KCNT1: variants seen among roughly 807,000 people sequenced by gnomAD.
The protein encoded by KCNT1 is potassium channel subfamily T member 1.
Under a neutral mutation model 147.8 loss-of-function variants are expected in KCNT1, and 78 were observed. That is an observed-to-expected ratio of 0.53 (90% CI 0.44 to 0.64). KCNT1 has a LOEUF of 0.64. Ranked by LOEUF, KCNT1 falls within the 30% of genes least tolerant of loss-of-function variation. KCNT1 has a pLI of 0.00. For missense variants in KCNT1, 1,419 were observed against 1,750.3 expected, an observed-to-expected ratio of 0.81 and a Z score of 3.38; for synonymous variants, 867 against 748.8, an observed-to-expected ratio of 1.16 and a Z score of -2.58.
intron 2 of KCNT1, among the ~76,000 whole-genome samples, chr9:135,722,734 G>A (rs1835974292): frequency 1.3e-5 from 2 of 152,142 alleles, no homozygotes; most frequent in South Asian, 4.1e-4. Flanking sequence ...CTGCGCCCAC[G>A]GGGCAGAGAA....
At position 135,734,166 on chromosome 9, in the gene KCNT1, T is replaced by G. The variant is rs371984153; in HGVS notation, c.255-15932T>G. 1.2e-3 allele frequency among the ~76,000 whole-genome samples: 184 copies of G among 152,314 alleles called. 1 individual carries two copies. The highest frequency in any genetic ancestry group is 4.1e-3 in the African/African-American group (172 of 41,572). On this transcript the variant is annotated intron_variant, in intron 2 of 30. Transcript: ENST00000371757. ...GGGCAGTTGTTATTTTTTCCTGAGT[T>G]TCCAGGATGTCTGCCCCTGTGTAGC...
In KCNT1 at chr9:135,714,940, C is replaced by T. The variant is rs529270365; in HGVS notation, c.254+220C>T. The stretch of plus-strand genomic sequence containing the variant: ...TCTCCGGAGGAGGGCGCGGGATGCT[C>T]GGAGCTGCGGAGTCTTCCAGAGCCC... On this transcript the variant is annotated intron_variant, in intron 2 of 30. Coordinates refer to ENST00000371757, the MANE Select transcript of KCNT1 (RefSeq NM_020822.3). The surrounding 1 kb of genome is among the most constrained non-coding windows in gnomAD (Gnocchi z 6.2). Among the ~76,000 whole-genome samples, 6 of 152,314 alleles carry T rather than the reference C, an allele frequency of 3.9e-5. No homozygotes were observed. Among genetic ancestry groups the T allele is most frequent in the Non-Finnish European group, 7.4e-5 (5 of 68,006 alleles).
At position 135,749,934 on chromosome 9, in the gene KCNT1, A is replaced by G. The variant is rs11103161; in HGVS notation, c.255-164A>G. Among the ~76,000 whole-genome samples, 26,951 of 151,806 alleles carry G rather than the reference A, an allele frequency of 0.18. 2,768 individuals are homozygous for G. Among genetic ancestry groups the G allele is most frequent in the African/African-American group, 0.27 (11,029 of 41,368 alleles). ...TCTGCTGGGTGTGACGGACCCCAGG[A>G]CCCTCCTGGGTCTGAGGTGGAGGGA... is the stretch of plus-strand genomic sequence containing the variant. On this transcript the variant is annotated intron_variant, in intron 2 of 30. Coordinates refer to ENST00000371757, the MANE Select transcript of KCNT1 (RefSeq NM_020822.3).
intron 20 of KCNT1, 98 bp downstream of exon 20, chr9:135,775,513 T>A: frequency 2.3e-6 from 2 of 854,718 alleles, no homozygotes; most frequent in Non-Finnish European, 3.6e-6. Context: ...TACATTTCGA[T>A]ACCATTGCAA....
rs1195735909 is a variant in KCNT1, at chr9:135,756,946, C to A, written c.600+14C>A. On this transcript the variant is annotated intron_variant, in intron 7 of 30. Transcript: ENST00000371757. ...CTCAGCTACAAAGTGAGTGCCTGCC[C>A]GGGATGGCACCTCACAGGGGGTCCC... 4 of 1,611,204 alleles carry A rather than the reference C, an allele frequency of 2.5e-6. No homozygotes were observed. The highest frequency in any genetic ancestry group is 2.5e-6 in the Non-Finnish European group (3 of 1,178,858).
chr9:135,704,826 G>T (rs116469429), intron 1 of KCNT1, among the ~76,000 whole-genome samples: 3 of 152,228 alleles, frequency 2.0e-5, no homozygotes, highest in African/African-American at 7.2e-5. Flanking sequence ...AAGTAGCTCA[G>T]GGCTCATGGG....
rs144470640 is a variant in KCNT1 at position 135,705,045 on chromosome 9, G to C, written c.110+2677G>C. The stretch of plus-strand genomic sequence containing the variant: ...TGGCCTGGGTGTGGCCTGTGTCCTC[G>C]CACCCGGCAGCCTCCAAGTGTGCTG... On this transcript the variant is annotated intron_variant, in intron 1 of 30. Transcript: ENST00000371757. Among the ~76,000 whole-genome samples, 1,168 of 152,298 alleles carry C rather than the reference G, an allele frequency of 7.7e-3. 5 individuals carry two copies. Among genetic ancestry groups the C allele is most frequent in the Non-Finnish European group, 0.013 (896 of 68,026 alleles).
rs543502029 is a variant in KCNT1, at chr9:135,719,517, A to G, written c.254+4797A>G. ...CCAAAGGGGCAGATTCCAGACAAGG[A>G]GTCCCAGTGGGGAGGGGTGGGGCAG... On this transcript the variant is annotated intron_variant, in intron 2 of 30. Coordinates refer to ENST00000371757, the MANE Select transcript of KCNT1 (RefSeq NM_020822.3). Among the ~76,000 whole-genome samples, 3 of 152,196 alleles carry G rather than the reference A, an allele frequency of 2.0e-5. No individual in the cohort carries two copies. The East Asian group carries it at 5.8e-4, about 29-fold the overall frequency.
At chr9:135,755,044 A>G in intron 5 of KCNT1, 77 bp from the exon 6 acceptor site, 1 of 1,379,412 alleles carries the variant, frequency 7.2e-7, no homozygotes, top group South Asian at 1.4e-5. Context: ...GCCAATGGTT[A>G]TGGCCCCAGC....
rs764582661 is a variant in KCNT1 at position 135,719,694 on chromosome 9, G to T, written c.254+4974G>T. Among the ~76,000 whole-genome samples the T allele has an allele frequency of 2.0e-5, 3 of 152,284 alleles. No individual in the cohort carries two copies. The East Asian group carries it at 5.8e-4, about 30-fold the overall frequency. On this transcript the variant is annotated intron_variant, in intron 2 of 30. Coordinates refer to ENST00000371757, the MANE Select transcript of KCNT1 (RefSeq NM_020822.3). ...GCCCTGCCCACTGGCTGGGGCTTCCGGCAGGCAAGAGGAAGCTTCGTCCCT... is the reference window on the plus strand; with the variant it reads ...GCCCTGCCCACTGGCTGGGGCTTCCTGCAGGCAAGAGGAAGCTTCGTCCCT...
chr9:135,785,823 AG>A (rs1006735403), intron 28 of KCNT1: 4 of 422,358 alleles, frequency 9.5e-6, no homozygotes, highest in African/African-American at 4.1e-5. Context: ...TGACACGCAG[AG>A]GGGGTGACCT....
chr9:135,767,407 C>T (rs564505163), intron 13 of KCNT1, among the ~76,000 whole-genome samples: 13 of 147,048 alleles, frequency 8.8e-5, no homozygotes, highest in South Asian at 4.3e-4. Flanking sequence ...GGGGCAGAGG[C>T]GACAGTTTCT....
chr9:135,776,369 C>T (rs1004102886), intron 20 of KCNT1, among the ~76,000 whole-genome samples: 15 of 152,132 alleles, frequency 9.9e-5, no homozygotes, highest in African/African-American at 3.6e-4. Flanking sequence ...GGGGTCCTCC[C>T]ACCTCAGCCT....
intron 4 of KCNT1, among the ~76,000 whole-genome samples, chr9:135,751,367 C>G (rs2131412740): frequency 6.6e-6 from 1 of 152,098 alleles, no homozygotes; most frequent in Admixed American, 6.5e-5. Flanking sequence ...TCTGTGCTCA[C>G]TTGAGCTTCT....
intron 2 of KCNT1, among the ~76,000 whole-genome samples, chr9:135,715,228 G>T (rs1373563772): frequency 6.6e-6 from 1 of 152,214 alleles, no homozygotes; most frequent in African/African-American, 2.4e-5. Flanking sequence ...AACATCTCCT[G>T]GGCTAAAAAG....
intron 2 of KCNT1, among the ~76,000 whole-genome samples, chr9:135,720,995 G>T (rs947548147): frequency 2.6e-5 from 4 of 152,240 alleles, no homozygotes; most frequent in Admixed American, 2.6e-4. Context: ...GGGGCACGAG[G>T]GACACACGGC....
intron 6 of KCNT1, 138 bp from the exon 7 acceptor site, chr9:135,756,735 T>C: frequency 1.3e-6 from 1 of 764,034 alleles, no homozygotes; most frequent in Non-Finnish European, 2.3e-6. Context: ...AAGACTGTCC[T>C]GACATGGGAG....
chr9:135,792,302 G>A lies in KCNT1; in HGVS notation c.*141G>A. Reference sequence around the variant, plus strand: ...CCATGGCTCCTGGGACTCCACCCTGGAAAGGAGCCCCTCATGCGGGGGGAG... The same window carrying A: ...CCATGGCTCCTGGGACTCCACCCTGAAAAGGAGCCCCTCATGCGGGGGGAG... On this transcript the variant is annotated 3_prime_UTR_variant, in exon 31 of 31. Coordinates refer to ENST00000371757, the MANE Select transcript of KCNT1 (RefSeq NM_020822.3). The A allele has an allele frequency of 8.8e-7, 1 of 1,132,738 alleles. No homozygotes were observed. Among genetic ancestry groups the A allele is most frequent in the Non-Finnish European group, 1.2e-6 (1 of 826,594 alleles). 70.2% of individuals were successfully genotyped at this position (1,132,738 alleles called of 1,614,324 possible).
chr9:135,776,628 A>G (rs1315504971), intron 20 of KCNT1, among the ~76,000 whole-genome samples: 1 of 152,164 alleles, frequency 6.6e-6, no homozygotes, highest in Non-Finnish European at 1.5e-5. Context: ...TCGGCCACGG[A>G]GGGGACCTCC....
Sources: gnomAD v4.1 joint callset for allele counts (sites outside exome capture counted in the v4.1 genomes callset) on GRCh38, gnomAD v4.1.1 for gene constraint, Gnocchi (gnomAD v3.1) non-coding constraint, MANE v1.5 for transcripts, NCBI Gene and HGNC (gene_info 2026-07-23, HGNC 2026-07-21) for gene names.